NPAS2: variants seen among roughly 807,000 people sequenced by gnomAD.
NPAS2 encodes neuronal PAS domain protein 2.
Under a neutral mutation model 107.5 loss-of-function variants are expected in NPAS2, and 23 were observed. The ratio of observed to expected loss-of-function variants is 0.21; its 90% CI spans 0.15 to 0.30. The LOEUF (loss-of-function observed/expected upper bound fraction) is 0.30. Ranked by LOEUF, NPAS2 falls within the 10% of genes least tolerant of loss-of-function variation. The probability of loss-of-function intolerance (pLI) is 1.00; values close to 1 mark genes in which losing one functional copy is unlikely to be tolerated. For missense variants in NPAS2, 756 were observed against 1,043.3 expected (o/e 0.72, Z 3.79); for synonymous variants, 403 against 417.5 (o/e 0.97, Z 0.42).
chr2:100,861,979 A>G (rs1678970201), intron 1 of NPAS2, among the ~76,000 whole-genome samples: 2 of 152,212 alleles, frequency 1.3e-5, no homozygotes, highest in Non-Finnish European at 2.9e-5. Context: ...ATGTGTGTAT[A>G]TGTATGTATA....
chr2:100,937,239 C>T (rs891726279), intron 4 of NPAS2, among the ~76,000 whole-genome samples: 2 of 152,134 alleles, frequency 1.3e-5, no homozygotes, highest in Non-Finnish European at 2.9e-5. Context: ...CTTCAGTGGG[C>T]ATTTCTCTTG....
chr2:100,950,390 G>A (rs147475431), intron 7 of NPAS2, among the ~76,000 whole-genome samples: 5 of 152,232 alleles, frequency 3.3e-5, no homozygotes, highest in African/African-American at 1.2e-4. Context: ...GAAATGAGGG[G>A]GAGATGCAGA....
chr2:100,966,671 G>A (rs550397404), intron 10 of NPAS2, among the ~76,000 whole-genome samples: 1 of 147,248 alleles, frequency 6.8e-6, no homozygotes, highest in South Asian at 2.1e-4. Context: ...TCGGCTCACT[G>A]CAAGCTTCAC....
intron 1 of NPAS2, among the ~76,000 whole-genome samples, chr2:100,840,501 A>G (rs767938714): frequency 7.9e-5 from 12 of 152,054 alleles, no homozygotes; most frequent in Non-Finnish European, 1.6e-4. Flanking sequence ...GCACCATTTT[A>G]TTAAATCCAC....
intron 5 of NPAS2, among the ~76,000 whole-genome samples, chr2:100,944,865 G>A (rs1279573633): frequency 6.6e-6 from 1 of 152,148 alleles, no homozygotes; most frequent in Non-Finnish European, 1.5e-5. Context: ...CTCTCACACA[G>A]GTGACCCGGC....
At chr2:100,964,538 C>A (rs909451013) in intron 8 of NPAS2, among the ~76,000 whole-genome samples, 32 of 152,352 alleles carry the variant, frequency 2.1e-4, no homozygotes, top group African/African-American at 7.7e-4. Context: ...ATTGCTTCAA[C>A]ATCGATGGCA....
chr2:100,904,913 C>A, intron 2 of NPAS2, 127 bp downstream of exon 2: 8 of 698,152 alleles, frequency 1.1e-5, no homozygotes, highest in South Asian at 8.7e-5. Flanking sequence ...GTAGGACACA[C>A]TCTCTGTGAC....
intron 2 of NPAS2, among the ~76,000 whole-genome samples, chr2:100,919,017 C>A (rs961841314): frequency 7.9e-5 from 12 of 152,176 alleles, no homozygotes; most frequent in African/African-American, 1.9e-4. Flanking sequence ...AATGCATAAA[C>A]CGGCTGTGGA....
Position 100,995,619 on chromosome 2 carries a change from A to T in NPAS2, c.*37A>T. The T allele has an allele frequency of 6.3e-7, 1 of 1,586,704 alleles. No individual in the cohort carries two copies. Among genetic ancestry groups the T allele is most frequent in the Admixed American group, 1.8e-5 (1 of 56,996 alleles). On this transcript the variant is annotated 3_prime_UTR_variant, in exon 21 of 21. Transcript: ENST00000335681. ...TGAAGTCGGGACACAATCAGCTTTAACCAATGGATGAGGGGGGTGGCCACA... is the reference window on the plus strand; with the variant it reads ...TGAAGTCGGGACACAATCAGCTTTATCCAATGGATGAGGGGGGTGGCCACA...
At position 100,870,061 on chromosome 2, in the gene NPAS2, C is replaced by T. The variant is rs10187469; in HGVS notation, c.-22-34672C>T. Among the ~76,000 whole-genome samples the T allele has an allele frequency of 5.5e-3, 835 of 152,084 alleles. 6 individuals are homozygous for T. Among genetic ancestry groups the T allele is most frequent in the African/African-American group, 0.019 (782 of 41,518 alleles). On this transcript the variant is annotated intron_variant, in intron 1 of 20. Coordinates refer to ENST00000335681, the MANE Select transcript of NPAS2 (RefSeq NM_002518.4). ...CTGGGACTACAGGTGTCTGCGACCA[C>T]GCCAGGCTAATTTTTTGTTTTCAGA...
chr2:100,924,222 T>C (rs1683420158), intron 2 of NPAS2, among the ~76,000 whole-genome samples: 1 of 152,194 alleles, frequency 6.6e-6, no homozygotes, highest in African/African-American at 2.4e-5. Flanking sequence ...GTGCATTAGT[T>C]ATAGCTGATA....
intron 1 of NPAS2, among the ~76,000 whole-genome samples, chr2:100,845,014 G>A (rs1411746907): frequency 3.9e-5 from 6 of 152,136 alleles, no homozygotes; most frequent in Non-Finnish European, 7.4e-5. Flanking sequence ...TTAGAGGCAG[G>A]CAGGGGGTGG....
chr2:100,845,705 A>T (rs1677733118), intron 1 of NPAS2, among the ~76,000 whole-genome samples: 1 of 152,118 alleles, frequency 6.6e-6, no homozygotes, highest in Non-Finnish European at 1.5e-5. Flanking sequence ...TCAATTTGGG[A>T]TTCACATCAG....
intron 15 of NPAS2, among the ~76,000 whole-genome samples, chr2:100,981,661 A>G (rs1425742631): frequency 6.6e-6 from 1 of 152,060 alleles, no homozygotes; most frequent in Non-Finnish European, 1.5e-5. Context: ...GATTTCCGAG[A>G]CGTGCATAGT....
chr2:100,965,820 G>A lies in NPAS2; in HGVS notation c.907+54G>A. On this transcript the variant is annotated intron_variant, in intron 10 of 20. Coordinates refer to ENST00000335681, the MANE Select transcript of NPAS2 (RefSeq NM_002518.4). The surrounding 1 kb of genome is among the most constrained non-coding windows in gnomAD (Gnocchi z 4.3). ...GGGGCCTTGCGTTCACTCCACTGGG[G>A]CCCAGCAGCAGGGCTCTGGGACTCC... is the stretch of plus-strand genomic sequence containing the variant. 4 of 1,162,990 alleles carry A rather than the reference G, an allele frequency of 3.4e-6. No individual in the cohort carries two copies. In the Admixed American group the frequency reaches 7.6e-5, roughly 22 times the overall value. The allele number at this position is 1,162,990 out of a possible 1,614,324, so 72.0% of individuals were successfully genotyped here. A position where few individuals can be genotyped will look rare whatever the true frequency, so the allele number is the denominator to read the frequency against.
At chr2:100,905,753 A>C (rs568904671) in intron 2 of NPAS2, among the ~76,000 whole-genome samples, 47 of 152,276 alleles carry the variant, frequency 3.1e-4, no homozygotes, top group African/African-American at 1.1e-3. Flanking sequence ...GAGCCTGCAG[A>C]GCTAAAGGGT....
chr2:100,954,045 G>C (rs1245745279), intron 7 of NPAS2, among the ~76,000 whole-genome samples: 7 of 152,226 alleles, frequency 4.6e-5, no homozygotes, highest in African/African-American at 1.7e-4. Flanking sequence ...GGTTGGTCAG[G>C]AGGCCGAGGG....
At chr2:100,883,798 G>A (rs1402456302) in intron 1 of NPAS2, among the ~76,000 whole-genome samples, 2 of 152,106 alleles carry the variant, frequency 1.3e-5, no homozygotes, top group African/African-American at 4.8e-5. Context: ...ACCTAATGAA[G>A]AAACCACAGT....
At chr2:100,990,901 G>A (rs750530545) in intron 19 of NPAS2, 29 bp downstream of exon 19, 21 of 1,587,858 alleles carry the variant, frequency 1.3e-5, no homozygotes, top group Non-Finnish European at 1.8e-5. Context: ...GAGGCAGGAG[G>A]CAAGCGCTGG....
Sources: allele counts gnomAD v4.1 joint callset (sites outside exome capture counted in the v4.1 genomes callset), GRCh38; gene constraint gnomAD v4.1.1; non-coding constraint Gnocchi (gnomAD v3.1); transcripts MANE v1.5; gene names NCBI Gene and HGNC (gene_info 2026-07-23, HGNC 2026-07-21).